The following PPP1R21 variants were observed in gnomAD, a reference collection of about 807,000 sequenced individuals.
PPP1R21 encodes the protein KLRAQ motif containing 1.
Under a neutral mutation model 112.8 loss-of-function variants are expected in PPP1R21, and 85 were observed. The ratio of observed to expected loss-of-function variants is 0.75; its 90% CI spans 0.63 to 0.90. The LOEUF is 0.90. PPP1R21 is among the 40% of genes least tolerant of loss of function. The pLI is 0.00. For synonymous variants in PPP1R21, 381 were observed against 322.3 expected (o/e 1.18, Z -1.95); for missense variants, 1,199 against 901.5 (o/e 1.33, Z -4.23).
intron 20 of PPP1R21, among the ~76,000 whole-genome samples, chr2:48,510,329 A>C (rs546946468): frequency 1.3e-5 from 2 of 152,380 alleles, no homozygotes; most frequent in East Asian, 3.9e-4. Flanking sequence ...AAATCATTTT[A>C]TAGTCGGCTT....
intron 18 of PPP1R21, among the ~76,000 whole-genome samples, chr2:48,506,602 C>T (rs775532781): frequency 4.6e-5 from 7 of 152,050 alleles, no homozygotes; most frequent in African/African-American, 1.7e-4. Context: ...AGTAGAAATA[C>T]CAGTCTGGGA....
chr2:48,464,398 T>C (rs1668109626), intron 7 of PPP1R21, among the ~76,000 whole-genome samples: 1 of 152,022 alleles, frequency 6.6e-6, no homozygotes, highest in Middle Eastern at 3.4e-3. Flanking sequence ...GAGGTATGGC[T>C]AGGTAGGAGG....
At chr2:48,497,756 A>G (rs113529299) in intron 16 of PPP1R21, among the ~76,000 whole-genome samples, 1 of 148,956 alleles carries the variant, frequency 6.7e-6, no homozygotes, top group African/African-American at 2.5e-5. Flanking sequence ...GGTTCACGCC[A>G]TTCTCCTGCC....
chr2:48,473,844 T>G (rs923565124), intron 11 of PPP1R21, among the ~76,000 whole-genome samples: 7 of 152,310 alleles, frequency 4.6e-5, no homozygotes, highest in African/African-American at 1.4e-4. Flanking sequence ...CCCAAGTAAC[T>G]ATTTAAAATT....
rs150611634 is a variant in PPP1R21 at position 48,509,976 on chromosome 2, G to A, written c.2086-39G>A. On this transcript the variant is annotated intron_variant, in intron 19 of 21. Coordinates refer to ENST00000294952, the MANE Select transcript of PPP1R21 (RefSeq NM_001135629.3). ...CCCGAAGCAAATTTGGTTTTAGAAA[G>A]TGCTCCCTCTAGTAATGGAATGTTT... 8.4e-4 allele frequency: 1,261 copies of A among 1,502,650 alleles called. 4 individuals carry two copies. In the African/African-American group the frequency reaches 0.013, roughly 16 times the overall value. The allele number at this position is 1,502,650 out of a possible 1,614,324, so 93.1% of individuals were successfully genotyped here.
intron 3 of PPP1R21, 138 bp downstream of exon 3, chr2:48,454,879 A>C (rs1667651068): frequency 1.5e-6 from 1 of 681,732 alleles, no homozygotes. Context: ...TTGCTCTGCC[A>C]CCCATGCTGG....
chr2:48,461,765 C>G (rs1481624477), intron 7 of PPP1R21, among the ~76,000 whole-genome samples: 1 of 152,050 alleles, frequency 6.6e-6, no homozygotes, highest in Non-Finnish European at 1.5e-5. Context: ...AAATTTGCAA[C>G]CTTTAGGTAA....
intron 1 of PPP1R21, among the ~76,000 whole-genome samples, chr2:48,445,053 G>A (rs887932059): frequency 6.6e-6 from 1 of 151,804 alleles, no homozygotes; most frequent in Non-Finnish European, 1.5e-5. Flanking sequence ...CCAGATAACA[G>A]GACTTGGCAG....
intron 17 of PPP1R21, among the ~76,000 whole-genome samples, chr2:48,502,786 T>C (rs558390245): frequency 6.7e-6 from 1 of 148,162 alleles, no homozygotes; most frequent in East Asian, 2.1e-4. Flanking sequence ...GTTCACGCCA[T>C]TCTCCTGCCT....
At chr2:48,502,419 C>T (rs1163401106) in intron 17 of PPP1R21, among the ~76,000 whole-genome samples, 2 of 148,144 alleles carry the variant, frequency 1.4e-5, no homozygotes, top group Non-Finnish European at 2.9e-5. Flanking sequence ...ATGGAGTTTT[C>T]TGCTTTCCTT....
chr2:48,470,932 A>G (rs1274389288), intron 9 of PPP1R21, among the ~76,000 whole-genome samples, 155 bp from the exon 10 acceptor site: 1 of 152,168 alleles, frequency 6.6e-6, no homozygotes, highest in African/African-American at 2.4e-5. Context: ...ATTTCCAATA[A>G]AAGTTTCCAA....
chr2:48,508,911 T>C (rs897607921), intron 19 of PPP1R21, among the ~76,000 whole-genome samples: 3 of 152,224 alleles, frequency 2.0e-5, no homozygotes, highest in Non-Finnish European at 4.4e-5. Flanking sequence ...TAAATTGTCC[T>C]ACTTTTTCCT....
rs145955884 is a variant in PPP1R21, at chr2:48,498,618, T to G, written c.1818T>G (p.Asn606Lys). ...AGCGAATTGCAGATAAGCTGAAGAA[T>G]ACAGGTAGTGCCCAGCTGGTTGGGC... ...ENQRIADKLK[N>K]TGSAQLVGLA... Residue 606 changes from asparagine to lysine, a missense_variant, in exon 17 of 22, where the codon AAT becomes AAG. Coordinates refer to ENST00000294952, the MANE Select transcript of PPP1R21 (RefSeq NM_001135629.3). The G allele has an allele frequency of 5.6e-6, 9 of 1,614,224 alleles. No homozygotes were observed. The African/African-American group carries it at 1.2e-4, about 22-fold the overall frequency.
chr2:48,501,116 C>T (rs554706113), intron 17 of PPP1R21, among the ~76,000 whole-genome samples: 109 of 152,266 alleles, frequency 7.2e-4, no homozygotes, highest in African/African-American at 2.5e-3. Flanking sequence ...ACCTCCATAT[C>T]AGTGGTTTAG....
intron 1 of PPP1R21, among the ~76,000 whole-genome samples, chr2:48,448,917 A>G (rs1667364576): frequency 6.6e-6 from 1 of 152,156 alleles, no homozygotes; most frequent in African/African-American, 2.4e-5. Context: ...GACAGTACGT[A>G]AATGAATGAG....
intron 1 of PPP1R21, among the ~76,000 whole-genome samples, chr2:48,449,139 C>T (rs1667372668): frequency 1.3e-5 from 2 of 151,944 alleles, no homozygotes; most frequent in Admixed American, 6.6e-5. Flanking sequence ...ACATCTCTCA[C>T]CCATATCAAT....
chr2:48,441,224 A>C (rs557117634), intron 1 of PPP1R21: 4 of 596,024 alleles, frequency 6.7e-6, no homozygotes, highest in African/African-American at 5.8e-5. Context: ...GCGTTTTTGC[A>C]GGGAGAAGCT....
chr2:48,499,329 AAGTT>A (rs1669995000), intron 17 of PPP1R21, among the ~76,000 whole-genome samples: 1 of 152,218 alleles, frequency 6.6e-6, no homozygotes, highest in Admixed American at 6.5e-5. Context: ...AAGATATAGT[AAGTT>A]AAATTTAAGA....
At chr2:48,492,429 T>C (rs923366662) in intron 15 of PPP1R21, among the ~76,000 whole-genome samples, 2 of 152,220 alleles carry the variant, frequency 1.3e-5, no homozygotes, top group African/African-American at 4.8e-5. Context: ...AGAGACTGTC[T>C]ATGTCATTTC....
Sources: allele counts gnomAD v4.1 joint callset (sites outside exome capture counted in the v4.1 genomes callset), GRCh38; gene constraint gnomAD v4.1.1; transcripts MANE v1.5; gene names NCBI Gene and HGNC (gene_info 2026-07-23, HGNC 2026-07-21).